The following FER variants were observed in gnomAD, a reference collection of about 807,000 sequenced individuals.
The protein encoded by FER is FER tyrosine kinase.
A neutral mutation model predicts 111.0 loss-of-function variants in FER; 63 were observed. That is an observed-to-expected ratio of 0.57 (90% CI 0.46 to 0.70). The LOEUF (loss-of-function observed/expected upper bound fraction) is 0.70. FER is among the 30% of genes least tolerant of loss of function. The pLI, the probability that FER is intolerant of heterozygous loss-of-function variation, is 0.00. For missense variants in FER, 914 were observed against 954.0 expected (o/e 0.96, Z 0.55); for synonymous variants, 327 against 313.9 (o/e 1.04, Z -0.44).
chr5:109,043,736 G>C (rs1771526745), intron 14 of FER, among the ~76,000 whole-genome samples: 1 of 152,288 alleles, frequency 6.6e-6, no homozygotes, highest in African/African-American at 2.4e-5. Flanking sequence ...ATTTTGGAAG[G>C]CCAAGGCAGG....
intron 9 of FER, among the ~76,000 whole-genome samples, chr5:108,885,189 A>G (rs1467448840): frequency 1.3e-5 from 2 of 151,868 alleles, no homozygotes. Flanking sequence ...CCAATTGCCT[A>G]CTTGACATGC....
chr5:109,028,850 C>G (rs1769157975), intron 13 of FER, among the ~76,000 whole-genome samples: 1 of 152,124 alleles, frequency 6.6e-6, no homozygotes, highest in South Asian at 2.1e-4. Context: ...TCAGGAAATC[C>G]CATTTGAGTT....
chr5:108,857,051 G>C (rs1763075055), intron 5 of FER, among the ~76,000 whole-genome samples: 1 of 152,038 alleles, frequency 6.6e-6, no homozygotes, highest in African/African-American at 2.4e-5. Context: ...TGAAAGAATA[G>C]TAGAAAGAAT....
chr5:108,977,902 G>A (rs1029051121), intron 13 of FER, among the ~76,000 whole-genome samples: 2 of 152,164 alleles, frequency 1.3e-5, no homozygotes, highest in African/African-American at 4.8e-5. Flanking sequence ...CTGGAGTGCA[G>A]TGGTACGATC....
rs971633128 is a variant in FER, at chr5:109,122,876, A to G, written c.2048+22357A>G. ...GAAAGCTATTTGTTGTGATGTAAGT[A>G]TAGCTACCTTTGCTCGTTTTTGGTT... On this transcript the variant is annotated intron_variant, in intron 17 of 19. Transcript: ENST00000281092. Among the ~76,000 whole-genome samples, 5 of 152,224 alleles carry G rather than the reference A, an allele frequency of 3.3e-5. No individual in the cohort carries two copies. In the East Asian group the frequency reaches 5.8e-4, roughly 18 times the overall value.
chr5:108,761,676 CT>C (rs1751767623), intron 1 of FER, among the ~76,000 whole-genome samples: 1 of 152,030 alleles, frequency 6.6e-6, no homozygotes, highest in Admixed American at 6.5e-5. Context: ...TATAATAGAC[CT>C]TCAATTTGTA....
At chr5:108,771,998 A>G (rs983375970) in intron 2 of FER, among the ~76,000 whole-genome samples, 20 of 152,188 alleles carry the variant, frequency 1.3e-4, no homozygotes, top group African/African-American at 4.6e-4. Flanking sequence ...AGGAAGTCCA[A>G]CATCAAGACA....
intron 10 of FER, among the ~76,000 whole-genome samples, chr5:108,914,009 T>G (rs1341217958): frequency 6.6e-6 from 1 of 152,190 alleles, no homozygotes; most frequent in East Asian, 1.9e-4. Flanking sequence ...GTGTAGTGAC[T>G]GAAAGGGGCC....
intron 17 of FER, among the ~76,000 whole-genome samples, chr5:109,118,156 A>G (rs1750499612): frequency 1.3e-5 from 2 of 152,008 alleles, no homozygotes; most frequent in African/African-American, 4.8e-5. Flanking sequence ...TGTCATAGAT[A>G]GCTCTTATTT....
At chr5:109,129,462 C>T (rs1437837117) in intron 17 of FER, among the ~76,000 whole-genome samples, 2 of 151,994 alleles carry the variant, frequency 1.3e-5, no homozygotes, top group East Asian at 1.9e-4. Context: ...AAAACCTCCT[C>T]GAATTTCCAA....
chr5:109,011,760 G>T (rs912355519), intron 13 of FER, among the ~76,000 whole-genome samples: 2 of 152,108 alleles, frequency 1.3e-5, no homozygotes, highest in Non-Finnish European at 2.9e-5. Flanking sequence ...ACAGACCTGT[G>T]CAGATTCAGG....
intron 14 of FER, 80 bp downstream of exon 14, chr5:109,037,558 G>A: frequency 8.6e-7 from 1 of 1,167,484 alleles, no homozygotes; most frequent in Non-Finnish European, 1.3e-6. Context: ...TTTCCTCAAA[G>A]CTTTTCTTAT....
At chr5:109,008,604 A>G (rs1252564486) in intron 13 of FER, among the ~76,000 whole-genome samples, 2 of 151,786 alleles carry the variant, frequency 1.3e-5, no homozygotes, top group Non-Finnish European at 2.9e-5. Context: ...TAGGCCTTTC[A>G]TGTATCATTT....
In FER at chr5:109,051,651, G is replaced by A. The variant is rs548412519; in HGVS notation, c.1924+4453G>A. On this transcript the variant is annotated intron_variant, in intron 16 of 19. Transcript: ENST00000281092. ...AGAGGGGAGCAGTTGGTGAGGAGCA[G>A]CCATTGAAATAAGCATATTTTTGAG... 1.7e-4 allele frequency: 270 copies of A among 1,575,880 alleles called. 3 individuals are homozygous for A. In the South Asian group the frequency reaches 2.5e-3, roughly 15 times the overall value.
chr5:108,909,767 A>G (rs1249662788), intron 10 of FER, among the ~76,000 whole-genome samples: 2 of 151,178 alleles, frequency 1.3e-5, no homozygotes, highest in South Asian at 2.1e-4. Context: ...GTAAACTCCA[A>G]TGTATATGTA....
chr5:109,104,901 C>G (rs1748694928), intron 17 of FER, among the ~76,000 whole-genome samples: 2 of 151,982 alleles, frequency 1.3e-5, no homozygotes. Flanking sequence ...CGCCACCACG[C>G]CCGGCTAATT....
At chr5:108,768,842 T>C (rs1405035495) in intron 2 of FER, among the ~76,000 whole-genome samples, 1 of 151,940 alleles carries the variant, frequency 6.6e-6, no homozygotes, top group African/African-American at 2.4e-5. Context: ...TTTTTTTTTT[T>C]GAGACAGGGT....
At chr5:108,859,496 T>G (rs1580911111) in intron 5 of FER, among the ~76,000 whole-genome samples, 1 of 152,182 alleles carries the variant, frequency 6.6e-6, no homozygotes, top group East Asian at 1.9e-4. Flanking sequence ...TTGGACTTTC[T>G]GTGCCTGTTA....
intron 17 of FER, among the ~76,000 whole-genome samples, chr5:109,138,381 G>C (rs999549815): frequency 6.6e-6 from 1 of 152,130 alleles, no homozygotes; most frequent in Non-Finnish European, 1.5e-5. Context: ...AAGATGAACA[G>C]TTTCTGGGAA....
Sources: allele counts gnomAD v4.1 joint callset (sites outside exome capture counted in the v4.1 genomes callset), GRCh38; gene constraint gnomAD v4.1.1; transcripts MANE v1.5; gene names NCBI Gene and HGNC (gene_info 2026-07-23, HGNC 2026-07-21).